The following FAM13C variants were observed in gnomAD, a reference collection of about 807,000 sequenced individuals.
The protein encoded by FAM13C is family with sequence similarity 13 member C.
A neutral mutation model predicts 73.2 loss-of-function variants in FAM13C; 37 were observed. The observed-to-expected ratio is 0.51, with a 90% CI of 0.39 to 0.67. The LOEUF (loss-of-function observed/expected upper bound fraction) is 0.67. Among genes scored for constraint, FAM13C ranks in the 30% least tolerant of loss-of-function variants. The pLI is 0.00. For synonymous variants in FAM13C, 246 were observed against 260.9 expected, an observed-to-expected ratio of 0.94 and a Z score of 0.55; for missense variants, 589 against 715.6, an observed-to-expected ratio of 0.82 and a Z score of 2.02.
intron 3 of FAM13C, among the ~76,000 whole-genome samples, chr10:59,350,632 A>G (rs1854916587): frequency 1.3e-5 from 2 of 152,222 alleles, no homozygotes. Flanking sequence ...GATCATCACA[A>G]CACACCTTCA....
intron 8 of FAM13C, among the ~76,000 whole-genome samples, chr10:59,267,937 T>G (rs989365056): frequency 3.3e-5 from 5 of 152,158 alleles, no homozygotes; most frequent in Non-Finnish European, 5.9e-5. Flanking sequence ...CCTATGACCC[T>G]ATTGTTTCTT....
At chr10:59,264,211 G>A in intron 8 of FAM13C, 45 bp from the exon 9 acceptor site, 1 of 1,304,858 alleles carries the variant, frequency 7.7e-7, no homozygotes, top group Non-Finnish European at 1.1e-6. Flanking sequence ...AGGGAAGGAG[G>A]GAGAGGGTGG....
intron 10 of FAM13C, among the ~76,000 whole-genome samples, chr10:59,256,950 A>G (rs1177093965): frequency 6.6e-6 from 1 of 152,172 alleles, no homozygotes; most frequent in Admixed American, 6.5e-5. Context: ...TGGCTGTAGT[A>G]TGCAAGATAT....
At chr10:59,333,612 T>C (rs1852308666) in intron 3 of FAM13C, among the ~76,000 whole-genome samples, 1 of 152,240 alleles carries the variant, frequency 6.6e-6, no homozygotes, top group Admixed American at 6.5e-5. Flanking sequence ...AGCCTGTTGA[T>C]ACGGAATCTC....
intron 5 of FAM13C, among the ~76,000 whole-genome samples, chr10:59,291,194 G>A (rs575538688): frequency 2.0e-4 from 30 of 152,236 alleles, no homozygotes; most frequent in Non-Finnish European, 2.6e-4. Context: ...TCCCTTGAAA[G>A]CTGCCCCCAC....
intron 10 of FAM13C, among the ~76,000 whole-genome samples, chr10:59,261,743 A>G (rs958041080): frequency 2.0e-5 from 3 of 152,194 alleles, no homozygotes; most frequent in African/African-American, 7.2e-5. Context: ...AGGGGACTAC[A>G]AGAAAGCTTC....
intron 3 of FAM13C, among the ~76,000 whole-genome samples, chr10:59,345,716 A>G (rs562478399): frequency 6.6e-6 from 1 of 152,322 alleles, no homozygotes; most frequent in Admixed American, 6.5e-5. Context: ...TGTCCCCCGA[A>G]TCTTCACCAT....
chr10:59,352,537 A>C lies in FAM13C; in HGVS notation c.120-63T>G. The stretch of plus-strand genomic sequence containing the variant: ...AAAAAGATGAATAAACTGCTGCAGG[A>C]AAGAGGGCTGGAGATATTCATTGCT... On this transcript the variant is annotated intron_variant, in intron 2 of 13. Coordinates refer to ENST00000618804, the MANE Select transcript of FAM13C (RefSeq NM_198215.4). The C allele has an allele frequency of 3.4e-6, 5 of 1,468,980 alleles. No homozygotes were observed. The South Asian group carries it at 6.7e-5, about 20-fold the overall frequency. The allele number at this position is 1,468,980 out of a possible 1,614,324, so 91.0% of individuals were successfully genotyped here. A position where few individuals can be genotyped will look rare whatever the true frequency, so the allele number is the denominator to read the frequency against.
chr10:59,298,373 G>A (rs1589508211), intron 5 of FAM13C, among the ~76,000 whole-genome samples: 1 of 152,282 alleles, frequency 6.6e-6, no homozygotes, highest in Non-Finnish European at 1.5e-5. Flanking sequence ...AACTGACATT[G>A]TTTTATCCAA....
intron 3 of FAM13C, among the ~76,000 whole-genome samples, chr10:59,343,483 T>C (rs1320209571): frequency 1.3e-5 from 2 of 152,006 alleles, no homozygotes; most frequent in African/African-American, 2.4e-5. Context: ...TCATTAGTGC[T>C]ATTGTCCAGT....
chr10:59,304,828 AGGGGGCGG>A (rs1848054828), intron 4 of FAM13C, among the ~76,000 whole-genome samples: 1 of 2,604 alleles, frequency 3.8e-4, no homozygotes, highest in African/African-American at 8.9e-4. Context: ...GGGGAAGGGG[AGGGGGCGG>A]GGGAGGGGGA....
At chr10:59,347,889 G>T (rs1040780161) in intron 3 of FAM13C, among the ~76,000 whole-genome samples, 1 of 152,124 alleles carries the variant, frequency 6.6e-6, no homozygotes, top group African/African-American at 2.4e-5. Flanking sequence ...GTATTCCATG[G>T]TGTATATGTG....
At chr10:59,357,734 C>A (rs1175765201) in intron 1 of FAM13C, among the ~76,000 whole-genome samples, 3 of 152,152 alleles carry the variant, frequency 2.0e-5, no homozygotes, top group Non-Finnish European at 2.9e-5. Flanking sequence ...GTCTCAGACA[C>A]GTTTTAAACA....
intron 3 of FAM13C, among the ~76,000 whole-genome samples, chr10:59,344,686 A>T (rs1003173522): frequency 2.6e-5 from 4 of 152,196 alleles, no homozygotes; most frequent in African/African-American, 9.7e-5. Context: ...TCTCCAGTTT[A>T]AAGATAGGAA....
At chr10:59,286,552 A>G (rs1750762133) in intron 5 of FAM13C, among the ~76,000 whole-genome samples, 1 of 118,718 alleles carries the variant, frequency 8.4e-6, no homozygotes, top group African/African-American at 3.4e-5. Flanking sequence ...TTCATCATAC[A>G]GAAAGTAGAA....
At chr10:59,334,352 A>G (rs979979593) in intron 3 of FAM13C, among the ~76,000 whole-genome samples, 1 of 152,208 alleles carries the variant, frequency 6.6e-6, no homozygotes, top group Non-Finnish European at 1.5e-5. Context: ...TATCTTGTGA[A>G]TGCCTAGGAC....
At chr10:59,290,790 GA>G (rs1846135500) in intron 5 of FAM13C, among the ~76,000 whole-genome samples, 1 of 152,174 alleles carries the variant, frequency 6.6e-6, no homozygotes, top group South Asian at 2.1e-4. Flanking sequence ...GCAATGTGTA[GA>G]AAAGAGCCAA....
chr10:59,352,977 T>A lies in FAM13C; in HGVS notation c.120-503A>T, dbSNP rs1324507680. 3.9e-5 allele frequency among the ~76,000 whole-genome samples: 6 copies of A among 152,200 alleles called. No individual in the cohort carries two copies. In the East Asian group the frequency reaches 1.2e-3, roughly 29 times the overall value. ...CCATGCTTCCTCTTCATTGGCAATGTCAGTTTATAATCATCCCCCTACAAC... is the reference window on the plus strand; with the variant it reads ...CCATGCTTCCTCTTCATTGGCAATGACAGTTTATAATCATCCCCCTACAAC... On this transcript the variant is annotated intron_variant, in intron 2 of 13. Coordinates refer to ENST00000618804, the MANE Select transcript of FAM13C (RefSeq NM_198215.4).
intron 3 of FAM13C, among the ~76,000 whole-genome samples, chr10:59,324,835 T>C (rs564293494): frequency 6.6e-5 from 10 of 152,262 alleles, no homozygotes; most frequent in African/African-American, 2.4e-4. Flanking sequence ...TTATCCATGA[T>C]GCAATTGCTC....
Sources: allele counts gnomAD v4.1 joint callset (sites outside exome capture counted in the v4.1 genomes callset), GRCh38; gene constraint gnomAD v4.1.1; transcripts MANE v1.5; gene names NCBI Gene and HGNC (gene_info 2026-07-23, HGNC 2026-07-21).